PKD1L1: variants seen among roughly 807,000 people sequenced by gnomAD.
PKD1L1 encodes polycystin 1 like 1, transient receptor potential channel interacting, also known as polycystin-1-like protein 1.
Under a neutral mutation model 323.4 loss-of-function variants are expected in PKD1L1, and 236 were observed. That is an observed-to-expected ratio of 0.73 (90% CI 0.66 to 0.81). The LOEUF (loss-of-function observed/expected upper bound fraction) is 0.81, where lower values mean the gene tolerates loss of function less well. Ranked by LOEUF, PKD1L1 falls within the 40% of genes least tolerant of loss-of-function variation. The pLI, the probability that PKD1L1 is intolerant of heterozygous loss-of-function variation, is 0.00. For missense variants in PKD1L1, 3,320 were observed against 3,508.0 expected, an observed-to-expected ratio of 0.95 and a Z score of 1.35; for synonymous variants, 1,344 against 1,335.0, an observed-to-expected ratio of 1.01 and a Z score of -0.15.
the PKD1L1 span, among the ~76,000 whole-genome samples, chr7:47,958,710 TATCTA>T: frequency 2.0e-5 from 3 of 152,214 alleles, no homozygotes; most frequent in East Asian, 5.8e-4. Flanking sequence ...AAAGGTTTAA[TATCTA>T]AAATATAAAA....
intron 2 of PKD1L1, among the ~76,000 whole-genome samples, chr7:47,941,806 A>G (rs993785470): frequency 6.6e-6 from 1 of 152,262 alleles, no homozygotes; most frequent in Non-Finnish European, 1.5e-5. Flanking sequence ...TTATCTGGAA[A>G]AAAAAGTGGA....
At chr7:47,905,132 CA>C in intron 11 of PKD1L1, 24 bp downstream of exon 11, 2 of 1,607,690 alleles carry the variant, frequency 1.2e-6, no homozygotes, top group Non-Finnish European at 1.7e-6. Context: ...AACAGCTACT[CA>C]GCAGGACTGC....
At position 47,839,284 on chromosome 7, in the gene PKD1L1, A is replaced by G. The variant is rs927342208; in HGVS notation, c.5769+162T>C. Among the ~76,000 whole-genome samples the G allele has an allele frequency of 1.3e-5, 2 of 152,262 alleles. No individual in the cohort carries two copies. The highest frequency in any genetic ancestry group is 4.8e-5 in the African/African-American group (2 of 41,476). ...CCATGCTTGGATGGCCACTCAATGA[A>G]TGTATCATTTAATATTTTGATATCG... On this transcript the variant is annotated intron_variant, in intron 36 of 56. Transcript: ENST00000289672. The surrounding 1 kb of genome is among the most constrained non-coding windows in gnomAD (Gnocchi z 4.3).
At chr7:47,945,363 C>A (rs1306252197) in intron 1 of PKD1L1, among the ~76,000 whole-genome samples, 1 of 152,140 alleles carries the variant, frequency 6.6e-6, no homozygotes, top group African/African-American at 2.4e-5. Flanking sequence ...CCAATTTTTA[C>A]AAGCCTGGTT....
intron 24 of PKD1L1, among the ~76,000 whole-genome samples, chr7:47,870,218 A>C (rs1318689961): frequency 6.6e-6 from 1 of 152,124 alleles, no homozygotes; most frequent in East Asian, 1.9e-4. Flanking sequence ...CAGAGCAAGT[A>C]CAAGGCGGGG....
intron 40 of PKD1L1, 29 bp from the exon 41 acceptor site, chr7:47,833,281 A>G (rs1364018391): frequency 3.7e-6 from 6 of 1,604,674 alleles, no homozygotes; most frequent in South Asian, 3.4e-5. Context: ...GCCAAGGTTA[A>G]TATCTCCACA....
At chr7:47,935,841 T>A (rs538744644) in intron 4 of PKD1L1, among the ~76,000 whole-genome samples, 8 of 152,252 alleles carry the variant, frequency 5.3e-5, no homozygotes, top group Non-Finnish European at 1.2e-4. Flanking sequence ...GAAAGAACTG[T>A]GATCAGTTTA....
intron 46 of PKD1L1, among the ~76,000 whole-genome samples, chr7:47,817,059 G>T (rs896805339): frequency 6.6e-6 from 1 of 152,038 alleles, no homozygotes; most frequent in African/African-American, 2.4e-5. Context: ...AAAATGATGA[G>T]ACCCTGTCTC....
In PKD1L1 at chr7:47,943,396, C is replaced by G; in HGVS notation, c.160G>C (p.Glu54Gln). The change falls in exon 2 of 57, where the codon GAG becomes CAG. Residue 54 changes from glutamate to glutamine, a missense_variant and splice_region_variant. Transcript: ENST00000289672. ...CSPPGGGLWVEVYANHVLLMS... is the reference protein window; with the variant it reads ...CSPPGGGLWVQVYANHVLLMS... ...CATGCCTCCTTCCCCAAGGCCTTAC[C>G]GACCCACAATCCACCTCCAGGAGGG... is the stretch of plus-strand genomic sequence containing the variant. 1 of 1,612,092 alleles carries G rather than the reference C, an allele frequency of 6.2e-7. No individual in the cohort carries two copies. Among genetic ancestry groups the G allele is most frequent in the Non-Finnish European group, 8.5e-7 (1 of 1,178,754 alleles).
intron 46 of PKD1L1, chr7:47,818,167 C>T: frequency 7.3e-7 from 1 of 1,367,390 alleles, no homozygotes; most frequent in Non-Finnish European, 9.8e-7. Context: ...AAGGAGAACA[C>T]AGATGGAGAC....
intron 17 of PKD1L1, among the ~76,000 whole-genome samples, chr7:47,887,568 G>A (rs772345517): frequency 1.6e-4 from 24 of 152,250 alleles, no homozygotes; most frequent in Non-Finnish European, 2.6e-4. Flanking sequence ...AGCTGGTAGT[G>A]TGGGAGCAAG....
chr7:47,802,935 T>C (rs1406317366), intron 53 of PKD1L1, among the ~76,000 whole-genome samples: 3 of 152,354 alleles, frequency 2.0e-5, no homozygotes, highest in East Asian at 3.9e-4. Flanking sequence ...CAGTAGGTGA[T>C]AATAACTACT....
At chr7:47,887,512 A>G (rs1365577030) in intron 17 of PKD1L1, among the ~76,000 whole-genome samples, 2 of 152,204 alleles carry the variant, frequency 1.3e-5, no homozygotes, top group Non-Finnish European at 2.9e-5. Context: ...TAGGATCCTC[A>G]TCTTTCACCA....
intron 54 of PKD1L1, 62 bp downstream of exon 54, chr7:47,800,587 C>A: frequency 6.5e-7 from 1 of 1,534,778 alleles, no homozygotes; most frequent in Non-Finnish European, 9.0e-7. Context: ...CAGAGTTTCA[C>A]CCCAACAGCA....
upstream of PKD1L1, among the ~76,000 whole-genome samples, chr7:47,951,931 T>C (rs1199149025): frequency 6.6e-6 from 1 of 152,190 alleles, no homozygotes; most frequent in Non-Finnish European, 1.5e-5. Context: ...GGAAAGCACC[T>C]GGCCCACCAG....
chr7:47,905,671 T>C (rs1787188113), intron 10 of PKD1L1, among the ~76,000 whole-genome samples, 172 bp downstream of exon 10: 2 of 152,194 alleles, frequency 1.3e-5, no homozygotes, highest in African/African-American at 4.8e-5. Flanking sequence ...ATGCCTGTGG[T>C]TTCAGAAAAT....
chr7:47,861,579 G>C (rs1017295255), intron 26 of PKD1L1, among the ~76,000 whole-genome samples: 3 of 152,134 alleles, frequency 2.0e-5, no homozygotes, highest in African/African-American at 4.8e-5. Context: ...TGAAGTCCTC[G>C]TATGATACAA....
At chr7:47,908,880 T>C (rs74484937) in intron 8 of PKD1L1, among the ~76,000 whole-genome samples, 127 of 152,324 alleles carry the variant, frequency 8.3e-4, no homozygotes, top group African/African-American at 2.9e-3. Context: ...GTCATTGTCA[T>C]TGGGACCATG....
At chr7:47,876,596 G>A (rs1253853199) in intron 22 of PKD1L1, among the ~76,000 whole-genome samples, 6 of 152,038 alleles carry the variant, frequency 3.9e-5, no homozygotes, top group African/African-American at 4.8e-5. Flanking sequence ...GGGAGGGGTC[G>A]GGGTGCCTCA....
Sources: gnomAD v4.1 joint callset for allele counts (sites outside exome capture counted in the v4.1 genomes callset) on GRCh38, gnomAD v4.1.1 for gene constraint, Gnocchi (gnomAD v3.1) non-coding constraint, MANE v1.5 for transcripts, NCBI Gene and HGNC (gene_info 2026-07-23, HGNC 2026-07-21) for gene names.